KIF21B: variants seen among roughly 807,000 people sequenced by gnomAD.
KIF21B encodes kinesin-like protein KIF21B.
A neutral mutation model predicts 192.9 loss-of-function variants in KIF21B; 85 were observed. The observed-to-expected ratio is 0.44, with a 90% CI of 0.37 to 0.53. The LOEUF is 0.53. Ranked by LOEUF, KIF21B falls within the 20% of genes least tolerant of loss-of-function variation. The probability of loss-of-function intolerance (pLI) is 0.00; values close to 1 mark genes in which losing one functional copy is unlikely to be tolerated. For synonymous variants in KIF21B, 832 were observed against 884.6 expected, an observed-to-expected ratio of 0.94 and a Z score of 1.05; for missense variants, 1,716 against 2,194.8, an observed-to-expected ratio of 0.78 and a Z score of 4.36.
intron 1 of KIF21B, among the ~76,000 whole-genome samples, chr1:201,014,082 G>A (rs1297477729): frequency 1.3e-5 from 2 of 152,250 alleles, no homozygotes; most frequent in Non-Finnish European, 2.9e-5. Context: ...GGCGGGTAGA[G>A]CGGGCGCGAG....
intron 1 of KIF21B, among the ~76,000 whole-genome samples, chr1:201,012,881 C>T (rs1012317345): frequency 6.6e-6 from 1 of 152,016 alleles, no homozygotes; most frequent in Non-Finnish European, 1.5e-5. Context: ...TGAGCTCAAG[C>T]GATTCTCCCA....
intron 16 of KIF21B, 54 bp downstream of exon 16, chr1:200,992,228 G>A: frequency 6.5e-7 from 1 of 1,532,638 alleles, no homozygotes; most frequent in Non-Finnish European, 9.0e-7. Context: ...TGCACCAGGA[G>A]GCTGGGAGTG....
intron 1 of KIF21B, among the ~76,000 whole-genome samples, chr1:201,012,634 T>TGTATGTATGTAC (rs1025657597): frequency 9.3e-5 from 14 of 150,282 alleles, no homozygotes; most frequent in Non-Finnish European, 1.3e-4. Flanking sequence ...GAAAACTCTA[T>TGTATGTATGTAC]GTATGTATGT....
intron 5 of KIF21B, 75 bp from the exon 6 acceptor site, chr1:201,005,008 C>A (rs1657721456): frequency 6.7e-7 from 1 of 1,502,110 alleles, no homozygotes. Flanking sequence ...GTACTGCCAT[C>A]CGGGAGAGGC....
At position 201,000,448 on chromosome 1, in the gene KIF21B, T is replaced by C; in HGVS notation, c.1627A>G (p.Arg543Gly). ...SMEDASEVIR[R>G]AKQDLERLKK... ...AGCCGCTCCAGGTCCTGCTTGGCCC[T>C]GCGGATCACCTCCGAGGCATCCTCC... is the stretch of plus-strand genomic sequence containing the variant. The change falls in exon 11 of 35, where the codon AGG becomes GGG. Residue 543 changes from arginine (R) to glycine (G), a missense_variant. By Grantham distance (125) the Arg-to-Gly change is moderately radical. This residue lies in a region of KIF21B where 1,087 missense variants were observed against 1,316.6 expected (regional missense o/e 0.83). Coordinates refer to ENST00000461742, the MANE Select transcript of KIF21B (RefSeq NM_001252102.2). This position sits in a 1 kb window ranked among gnomAD's most constrained non-coding sequence, Gnocchi z 6.0. 3 of 1,580,708 alleles carry C rather than the reference T, an allele frequency of 1.9e-6. No individual in the cohort carries two copies. Among genetic ancestry groups the C allele is most frequent in the East Asian group, 2.2e-5 (1 of 44,540 alleles).
intron 1 of KIF21B, among the ~76,000 whole-genome samples, chr1:201,020,389 C>T (rs998436999): frequency 2.6e-5 from 4 of 152,198 alleles, no homozygotes; most frequent in Non-Finnish European, 5.9e-5. Context: ...AGCCTTGCTA[C>T]ACACCTCCTC....
At position 200,998,266 on chromosome 1, in the gene KIF21B, G is replaced by A. The variant is rs1657202570; in HGVS notation, c.2077+118C>T. 3 of 938,410 alleles carry A rather than the reference G, an allele frequency of 3.2e-6. No homozygotes were observed. The East Asian group carries it at 7.3e-5, about 23-fold the overall frequency. 58.1% of individuals were successfully genotyped at this position (938,410 alleles called of 1,614,324 possible). On this transcript the variant is annotated intron_variant, in intron 14 of 34. Transcript: ENST00000461742. The surrounding 1 kb of genome is among the most constrained non-coding windows in gnomAD (Gnocchi z 4.3). ...TCAAAGGACCACAGTCAAAGGTTGG[G>A]AAGTCCCTTGCCTAGAAGGCCAGGA...
chr1:200,979,233 T>C (rs1057153005), intron 30 of KIF21B, among the ~76,000 whole-genome samples: 9 of 152,146 alleles, frequency 5.9e-5, no homozygotes, highest in African/African-American at 2.2e-4. Flanking sequence ...TCCTAGCTCC[T>C]CTTTCAGACT....
chr1:200,974,806 C>A lies in KIF21B; in HGVS notation c.4722G>T (p.Val1574=), dbSNP rs765196171. 2.5e-6 allele frequency: 4 copies of A among 1,614,252 alleles called. No homozygotes were observed. The South Asian group carries it at 4.4e-5, about 18-fold the overall frequency. The change falls in exon 34 of 35, where the codon GTG becomes GTT. Residue 1574 remains valine (V), a synonymous_variant. Coordinates refer to ENST00000461742, the MANE Select transcript of KIF21B (RefSeq NM_001252102.2). ...TCTCACCGATGGGTGTGAAGTTGTC[C>A]ACGTTCCAGACCTTGATGACACCCG... The part of the protein sequence containing the change: ...CRAGVIKVWN[V]DNFTPIGEIK...
rs558278493 is a variant in KIF21B at position 200,998,748 on chromosome 1, G to A, written c.1886-173C>T. Among the ~76,000 whole-genome samples, 7 of 152,248 alleles carry A rather than the reference G, an allele frequency of 4.6e-5. No individual in the cohort carries two copies. The highest frequency in any genetic ancestry group is 1.7e-4 in the African/African-American group (7 of 41,536). ...GCAGGTAGAATGCGGCCAGAAGGAG[G>A]AACACATTTAAAGAGCAGTTCCAGA... On this transcript the variant is annotated intron_variant, in intron 13 of 34. Coordinates refer to ENST00000461742, the MANE Select transcript of KIF21B (RefSeq NM_001252102.2). This position sits in a 1 kb window ranked among gnomAD's most constrained non-coding sequence, Gnocchi z 4.3.
chr1:201,005,979 G>T (rs146594320), intron 3 of KIF21B, among the ~76,000 whole-genome samples: 4 of 152,248 alleles, frequency 2.6e-5, no homozygotes, highest in African/African-American at 9.6e-5. Context: ...AAAGGGACAC[G>T]GGTCCCAGAT....
At chr1:200,977,121 A>C (rs890104374) in intron 31 of KIF21B, 91 bp downstream of exon 31, 1 of 1,472,544 alleles carries the variant, frequency 6.8e-7, no homozygotes, top group African/African-American at 1.4e-5. Flanking sequence ...CTGAGGTCCT[A>C]CCCACCCTGG....
chr1:201,002,412 G>C, intron 8 of KIF21B, 62 bp from the exon 9 acceptor site: 3 of 1,454,406 alleles, frequency 2.1e-6, no homozygotes, highest in Non-Finnish European at 2.9e-6. Flanking sequence ...GGGGTAAGGG[G>C]CTGATGATGC....
intron 3 of KIF21B, among the ~76,000 whole-genome samples, chr1:201,007,591 C>T (rs951170059): frequency 4.0e-5 from 6 of 150,620 alleles, no homozygotes; most frequent in Non-Finnish European, 8.9e-5. Context: ...CACACATAGA[C>T]ACAGAGACAC....
Position 200,975,523 on chromosome 1 carries a change from G to C in KIF21B, c.4590C>G (p.Asp1530Glu). Residue 1530 changes from aspartate to glutamate, a missense_variant, in exon 33 of 35, where the codon GAC (aspartate) becomes GAG (glutamate). By Grantham distance (45) the Asp-to-Glu change is conservative. This residue lies in a region of KIF21B where 580 missense variants were observed against 775.5 expected (regional missense o/e 0.75). Transcript: ENST00000461742. This position sits in a 1 kb window ranked among gnomAD's most constrained non-coding sequence, Gnocchi z 4.3. ...CCTGGATGAGCTCCTGCTGGTCTAG[G>C]TCCCACTTCTTGATGCCGTTATCTC... The part of the protein sequence containing the change: ...GSRDNGIKKW[D>E]LDQQELIQQI... 1 of 1,613,214 alleles carries C rather than the reference G, an allele frequency of 6.2e-7. No individual in the cohort carries two copies.
Position 200,987,097 on chromosome 1 carries a change from G to A in KIF21B, c.3513C>T (p.Leu1171=), listed in dbSNP as rs865981427. The change falls in exon 25 of 35, where the codon CTC becomes CTT. Residue 1171 remains leucine (L), a synonymous_variant. Coordinates refer to ENST00000461742, the MANE Select transcript of KIF21B (RefSeq NM_001252102.2). ...CCACTCCGTCCTCTTTGATCTCAAC[G>A]AGGGAGGCCAGGGACTTGGTGATGT... ...TKNITKSLAS[L]VEIKEDGVGF... 1.5e-5 allele frequency: 24 copies of A among 1,613,882 alleles called. No individual in the cohort carries two copies. The African/African-American group carries it at 2.1e-4, about 14-fold the overall frequency.
Position 200,984,845 on chromosome 1 carries a change from C to T in KIF21B, c.3803+14G>A. The T allele has an allele frequency of 6.5e-7, 1 of 1,537,072 alleles. No homozygotes were observed. Among genetic ancestry groups the T allele is most frequent in the Non-Finnish European group, 8.8e-7 (1 of 1,140,568 alleles). On this transcript the variant is annotated intron_variant, in intron 27 of 34. Transcript: ENST00000461742. Reference sequence around the variant, plus strand: ...CTCAGTGCCCTCCCCCACTTGCCCTCCAGCCCTGCTTACTTGTCCAGCGCT... The same window carrying T: ...CTCAGTGCCCTCCCCCACTTGCCCTTCAGCCCTGCTTACTTGTCCAGCGCT...
chr1:201,004,612 T>C, intron 6 of KIF21B, 154 bp downstream of exon 6: 1 of 1,148,126 alleles, frequency 8.7e-7, no homozygotes, highest in Non-Finnish European at 1.3e-6. Flanking sequence ...GTTGGTGAAA[T>C]GGGGAAGCTG....
In KIF21B at chr1:201,017,619, C is replaced by T. The variant is rs890234128; in HGVS notation, c.41+5724G>A. On this transcript the variant is annotated intron_variant, in intron 1 of 34. Transcript: ENST00000461742. The surrounding 1 kb of genome is among the most constrained non-coding windows in gnomAD (Gnocchi z 4.1). ...GGGGACTGGGCCCTGGGGATGCTCC[C>T]CTGCTGAGGAATGCAGAGCAACAGA... 1.3e-5 allele frequency among the ~76,000 whole-genome samples: 2 copies of T among 152,208 alleles called. No individual in the cohort carries two copies. Among genetic ancestry groups the T allele is most frequent in the African/African-American group, 4.8e-5 (2 of 41,456 alleles).
Sources: allele counts gnomAD v4.1 joint callset (sites outside exome capture counted in the v4.1 genomes callset), GRCh38; gene constraint gnomAD v4.1.1; regional missense constraint gnomAD v4.1.1; non-coding constraint Gnocchi (gnomAD v3.1); transcripts MANE v1.5; gene names NCBI Gene and HGNC (gene_info 2026-07-23, HGNC 2026-07-21).